The following NAV2 variants were observed in gnomAD, a reference collection of about 807,000 sequenced individuals.
NAV2 encodes the protein helicase, APC down-regulated 1.
Under a neutral mutation model 223.2 loss-of-function variants are expected in NAV2, and 54 were observed. The ratio of observed to expected loss-of-function variants is 0.24; its 90% CI spans 0.19 to 0.30. NAV2 has a LOEUF of 0.30. Among genes scored for constraint, NAV2 ranks in the 10% least tolerant of loss-of-function variants. The pLI, the probability that NAV2 is intolerant of heterozygous loss-of-function variation, is 1.00. For missense variants in NAV2, 2,806 were observed against 3,147.5 expected, an observed-to-expected ratio of 0.89 and a Z score of 2.60; for synonymous variants, 1,279 against 1,239.3, an observed-to-expected ratio of 1.03 and a Z score of -0.67.
chr11:20,006,290 G>A (rs533475656), intron 11 of NAV2, among the ~76,000 whole-genome samples: 2 of 152,150 alleles, frequency 1.3e-5, no homozygotes. Flanking sequence ...GGAAAGCCAG[G>A]TTCCCACAGG....
chr11:19,364,862 T>C (rs1328674391), intron 1 of NAV2, among the ~76,000 whole-genome samples: 1 of 152,212 alleles, frequency 6.6e-6, no homozygotes. Flanking sequence ...TACAAAAAAC[T>C]GTCAACTCTT....
At chr11:19,444,927 A>G (rs1007278060) in intron 1 of NAV2, among the ~76,000 whole-genome samples, 1 of 152,144 alleles carries the variant, frequency 6.6e-6, no homozygotes, top group African/African-American at 2.4e-5. Context: ...TGGGACTTGG[A>G]GAAAGAAATC....
chr11:19,706,397 T>C lies in NAV2; in HGVS notation c.76-126087T>C, dbSNP rs187130294. ...TCTCTCTATTACTTTAGGTTTTTTG[T>C]TACAAAATTAAATTAATCAACATAC... On this transcript the variant is annotated intron_variant, in intron 1 of 37. Transcript: ENST00000360655. Among the ~76,000 whole-genome samples, 22 of 152,344 alleles carry C rather than the reference T, an allele frequency of 1.4e-4. No individual in the cohort carries two copies. In the East Asian group the frequency reaches 3.7e-3, roughly 25 times the overall value.
At chr11:19,491,893 T>C (rs2042638391) in intron 1 of NAV2, among the ~76,000 whole-genome samples, 1 of 151,962 alleles carries the variant, frequency 6.6e-6, no homozygotes, top group Non-Finnish European at 1.5e-5. Context: ...TTAGAAGCCA[T>C]TGTAGGGTTA....
chr11:19,541,343 G>T (rs2044336207), intron 1 of NAV2, among the ~76,000 whole-genome samples: 1 of 152,180 alleles, frequency 6.6e-6, no homozygotes, highest in Non-Finnish European at 1.5e-5. Context: ...AAGACAAATT[G>T]TTCTAGAAGA....
chr11:19,667,225 T>C (rs1399482674), intron 1 of NAV2, among the ~76,000 whole-genome samples: 2 of 152,256 alleles, frequency 1.3e-5, no homozygotes. Context: ...ACAAACAGAT[T>C]TGTAGACGTT....
chr11:19,752,486 C>A (rs891927878), intron 1 of NAV2, among the ~76,000 whole-genome samples: 1 of 152,144 alleles, frequency 6.6e-6, no homozygotes, highest in Non-Finnish European at 1.5e-5. Context: ...TAATCACCTG[C>A]AATCCCACCC....
intron 1 of NAV2, among the ~76,000 whole-genome samples, chr11:19,751,721 A>C (rs912093468): frequency 6.6e-6 from 1 of 152,184 alleles, no homozygotes; most frequent in African/African-American, 2.4e-5. Flanking sequence ...CTGTTTTCAA[A>C]GCACGTATTT....
chr11:19,791,838 A>T (rs1590560432), intron 1 of NAV2, among the ~76,000 whole-genome samples: 1 of 151,958 alleles, frequency 6.6e-6, no homozygotes, highest in South Asian at 2.1e-4. Context: ...GGCCTCATTC[A>T]CTCCGCTGTA....
chr11:19,762,611 CTTTTTTTT>C (rs35264238), intron 1 of NAV2, among the ~76,000 whole-genome samples: 1 of 109,542 alleles, frequency 9.1e-6, no homozygotes, highest in Non-Finnish European at 1.8e-5. Context: ...GAGAAGTCTT[CTTTTTTTT>C]TTTTTTTTTT....
intron 1 of NAV2, among the ~76,000 whole-genome samples, chr11:19,429,656 G>T (rs1057328876): frequency 6.6e-6 from 1 of 152,230 alleles, no homozygotes; most frequent in South Asian, 2.1e-4. Context: ...TGTTGGCTGG[G>T]CACTCCCAAG....
intron 1 of NAV2, among the ~76,000 whole-genome samples, chr11:19,368,929 T>C (rs1209239083): frequency 6.6e-6 from 1 of 152,354 alleles, no homozygotes; most frequent in East Asian, 1.9e-4. Flanking sequence ...AATTCCTGGT[T>C]ATATTTTAAC....
chr11:19,396,755 T>C (rs1300969748), intron 1 of NAV2, among the ~76,000 whole-genome samples: 2 of 152,142 alleles, frequency 1.3e-5, no homozygotes, highest in Non-Finnish European at 2.9e-5. Flanking sequence ...ATCCAGATAT[T>C]TGTGTGGCAG....
At chr11:19,970,280 T>G (rs1469065493) in intron 10 of NAV2, among the ~76,000 whole-genome samples, 1 of 152,190 alleles carries the variant, frequency 6.6e-6, no homozygotes, top group South Asian at 2.1e-4. Context: ...GTGGTTCTCC[T>G]GTCTCACGCT....
intron 10 of NAV2, among the ~76,000 whole-genome samples, chr11:19,961,187 C>T (rs951638322): frequency 6.6e-6 from 1 of 152,058 alleles, no homozygotes; most frequent in South Asian, 2.1e-4. Context: ...TGGGCTCAAG[C>T]AGTCCTCCCA....
chr11:19,406,496 G>A (rs1393606023), intron 1 of NAV2, among the ~76,000 whole-genome samples: 4 of 152,236 alleles, frequency 2.6e-5, no homozygotes, highest in African/African-American at 7.2e-5. Flanking sequence ...AGACAGAGCC[G>A]AGGCCATGGC....
chr11:19,747,476 CA>C (rs1164845067), intron 1 of NAV2, among the ~76,000 whole-genome samples: 2 of 152,124 alleles, frequency 1.3e-5, no homozygotes, highest in African/African-American at 2.4e-5. Context: ...ATATAGGAGT[CA>C]AATTCATTAC....
chr11:19,653,278 T>A (rs2048022522), intron 1 of NAV2, among the ~76,000 whole-genome samples: 1 of 152,236 alleles, frequency 6.6e-6, no homozygotes, highest in Non-Finnish European at 1.5e-5. Flanking sequence ...GTTCTTAAAG[T>A]ATCTGCTCAC....
intron 30 of NAV2, among the ~76,000 whole-genome samples, chr11:20,097,049 C>T (rs1224531524): frequency 6.6e-6 from 1 of 152,180 alleles, no homozygotes; most frequent in Non-Finnish European, 1.5e-5. Context: ...AACCTAAAAC[C>T]TTTTGTTCAC....
Sources: gnomAD v4.1 joint callset for allele counts (sites outside exome capture counted in the v4.1 genomes callset) on GRCh38, gnomAD v4.1.1 for gene constraint, MANE v1.5 for transcripts, NCBI Gene and HGNC (gene_info 2026-07-23, HGNC 2026-07-21) for gene names.